Variants in CNKSR1 observed in about 807,000 individuals in gnomAD.
The protein encoded by CNKSR1 is connector enhancer of kinase suppressor of Ras 1.
Under a neutral mutation model 95.6 loss-of-function variants are expected in CNKSR1, and 88 were observed. That is an observed-to-expected ratio of 0.92 (90% CI 0.78 to 1.10). The LOEUF (loss-of-function observed/expected upper bound fraction) is 1.10, where lower values mean the gene tolerates loss of function less well. Among genes scored for constraint, CNKSR1 ranks in the 50% least tolerant of loss-of-function variants. The pLI, the probability that CNKSR1 is intolerant of heterozygous loss-of-function variation, is 0.00. For synonymous variants in CNKSR1, 355 were observed against 369.7 expected (o/e 0.96, Z 0.46); for missense variants, 836 against 912.0 (o/e 0.92, Z 1.07).
At chr1:26,178,147 C>T (rs2088591986) in intron 1 of CNKSR1, among the ~76,000 whole-genome samples, 2 of 152,146 alleles carry the variant, frequency 1.3e-5, no homozygotes, top group South Asian at 4.1e-4. Context: ...CAAGAGGCCT[C>T]TAGGGTGATA....
intron 14 of CNKSR1, 99 bp downstream of exon 14, chr1:26,185,285 C>T (rs1188715207): frequency 8.8e-6 from 11 of 1,256,288 alleles, no homozygotes; most frequent in African/African-American, 1.5e-5. Context: ...TGGTCCAAGG[C>T]TTTGATGTCC....
At chr1:26,183,108 C>T (rs2088674347) in intron 6 of CNKSR1, 89 bp from the exon 7 acceptor site, 3 of 1,314,952 alleles carry the variant, frequency 2.3e-6, no homozygotes, top group Non-Finnish European at 3.3e-6. Context: ...CAGTTCCACC[C>T]ACCATAGAGT....
intron 1 of CNKSR1, chr1:26,180,242 C>G: frequency 1.6e-6 from 1 of 612,348 alleles, no homozygotes; most frequent in Non-Finnish European, 2.9e-6. Flanking sequence ...TCTGCTGCTG[C>G]TGGTCTGGGG....
rs141940086 is a variant in CNKSR1 at position 26,187,476 on chromosome 1, T to C, written c.1448T>C (p.Leu483Pro). 6.2e-7 allele frequency: 1 copy of C among 1,614,094 alleles called. No homozygotes were observed. Among genetic ancestry groups the C allele is most frequent in the Non-Finnish European group, 8.5e-7 (1 of 1,179,972 alleles). The change falls in exon 16 of 21, where the codon CTG becomes CCG. Residue 483 changes from leucine (L) to proline (P), a missense_variant. Transcript: ENST00000361530. The stretch of plus-strand genomic sequence containing the variant: ...TTCGCTGCTGATACCCTGACAGATC[T>C]GAGCATGTGAGTGCCGCCTCCCTTA... ...FIFAADTLTDLSMWVRHLITC... is the reference protein window; with the variant it reads ...FIFAADTLTDPSMWVRHLITC...
Position 26,181,778 on chromosome 1 carries a change from AGGTGAGTAATT to A in CNKSR1, c.393-65_393-55del, listed in dbSNP as rs1474908482. On this transcript the variant is annotated intron_variant, in intron 3 of 20. Transcript: ENST00000361530. Reference sequence around the variant, plus strand: ...AGCAGGTATTATCCCCAAGTCTCTGAGGTGAGTAATTGGTGAGTAATTGGCTCTGAGTGGTT... The same window carrying A: ...AGCAGGTATTATCCCCAAGTCTCTGAGGTGAGTAATTGGCTCTGAGTGGTT... The A allele has an allele frequency of 5.4e-5, 73 of 1,363,684 alleles. 1 individual carries two copies. The highest frequency in any genetic ancestry group is 6.3e-5 in the Non-Finnish European group (60 of 955,564). 84.5% of individuals were successfully genotyped at this position (1,363,684 alleles called of 1,614,324 possible).
downstream of CNKSR1, chr1:26,189,884 AT>A: frequency 2.0e-6 from 1 of 507,824 alleles, no homozygotes; most frequent in South Asian, 1.9e-5. Flanking sequence ...TTTTCTAAGA[AT>A]GAGTCTACAT....
At chr1:26,188,568 A>G (rs971361083) in intron 18 of CNKSR1, 30 bp from the exon 19 acceptor site, 6 of 1,612,786 alleles carry the variant, frequency 3.7e-6, no homozygotes, top group Non-Finnish European at 5.1e-6. Flanking sequence ...CTCAGACAGA[A>G]ACCCTCTGTG....
At chr1:26,185,592 C>T (rs1393682136) in intron 14 of CNKSR1, among the ~76,000 whole-genome samples, 1 of 151,976 alleles carries the variant, frequency 6.6e-6, no homozygotes, top group Non-Finnish European at 1.5e-5. Flanking sequence ...CAGGGTTTCA[C>T]CGTGTTAGCC....
At chr1:26,184,864 C>G in intron 13 of CNKSR1, 150 bp from the exon 14 acceptor site, 2 of 884,484 alleles carry the variant, frequency 2.3e-6, no homozygotes, top group Non-Finnish European at 3.4e-6. Flanking sequence ...TAAGAAGGGT[C>G]ATCCCACCTC....
Position 26,188,689 on chromosome 1 carries a change from C to G in CNKSR1, c.1682C>G (p.Ser561Cys). The stretch of plus-strand genomic sequence containing the variant: ...CGCAGCCCACGGACCTCCTTTGGCT[C>G]TCTGACAGGTGCTGGGCTGGAGTTG... The part of the protein sequence containing the change: ...TQRSPRTSFG[S>C]LTDSSEEALE... The change falls in exon 19 of 21, where the codon TCT (serine) becomes TGT (cysteine). Residue 561 changes from serine to cysteine, a missense_variant. Coordinates refer to ENST00000361530, the MANE Select transcript of CNKSR1 (RefSeq NM_006314.3). 1.2e-6 allele frequency: 2 copies of G among 1,613,834 alleles called. No individual in the cohort carries two copies. The highest frequency in any genetic ancestry group is 1.7e-6 in the Non-Finnish European group (2 of 1,179,902).
chr1:26,188,428 G>A lies in CNKSR1; in HGVS notation c.1529-14G>A. On this transcript the variant is annotated splice_polypyrimidine_tract_variant and intron_variant, in intron 17 of 20. Coordinates refer to ENST00000361530, the MANE Select transcript of CNKSR1 (RefSeq NM_006314.3). ...CCTGGCCTCCCAAAAACCCACTGCTGCTCCTCACCCCAGACTGCTACAGTG... is the reference window on the plus strand; with the variant it reads ...CCTGGCCTCCCAAAAACCCACTGCTACTCCTCACCCCAGACTGCTACAGTG... 5 of 1,605,586 alleles carry A rather than the reference G, an allele frequency of 3.1e-6. No homozygotes were observed. Among genetic ancestry groups the A allele is most frequent in the Non-Finnish European group, 4.3e-6 (5 of 1,176,142 alleles).
chr1:26,184,361 G>C (rs779564702), intron 11 of CNKSR1, 40 bp from the exon 12 acceptor site: 1 of 1,606,850 alleles, frequency 6.2e-7, no homozygotes, highest in East Asian at 2.2e-5. Context: ...CCTGGGACTG[G>C]GCTCATAGAC....
intron 19 of CNKSR1, 26 bp from the exon 20 acceptor site, chr1:26,188,746 C>T: frequency 6.2e-7 from 1 of 1,610,536 alleles, no homozygotes; most frequent in Non-Finnish European, 8.5e-7. Flanking sequence ...GTGGGCACAT[C>T]CTCATCCTGC....
At chr1:26,181,646 T>TTTC in intron 3 of CNKSR1, 1 of 583,274 alleles carries the variant, frequency 1.7e-6, no homozygotes, top group East Asian at 3.0e-5. Flanking sequence ...GTTTCCCCAG[T>TTTC]GCCTAGAACA....
At chr1:26,179,360 G>A (rs2088609271) in intron 1 of CNKSR1, among the ~76,000 whole-genome samples, 1 of 152,164 alleles carries the variant, frequency 6.6e-6, no homozygotes, top group Non-Finnish European at 1.5e-5. Context: ...GAGGAAGTTA[G>A]ATGAAAAAGG....
At position 26,185,042 on chromosome 1, in the gene CNKSR1, G is replaced by T; in HGVS notation, c.1164G>T (p.Arg388=). 3 of 1,603,084 alleles carry T rather than the reference G, an allele frequency of 1.9e-6. No individual in the cohort carries two copies. Among genetic ancestry groups the T allele is most frequent in the Non-Finnish European group, 1.7e-6 (2 of 1,178,426 alleles). ...TGGCGACCCGGCTGAGCCGCCGGCG[G>T]GTGTCATGCCGTGAGCTGGGCCGGC... ...KGLATRLSRR[R]VSCRELGRPD... is the part of the protein sequence containing the mutation. Residue 388 remains arginine (R), a synonymous_variant, in exon 14 of 21, where the codon CGG becomes CGT. Coordinates refer to ENST00000361530, the MANE Select transcript of CNKSR1 (RefSeq NM_006314.3).
At position 26,189,494 on chromosome 1, in the gene CNKSR1, C is replaced by T. The variant is rs778348777; in HGVS notation, c.2088C>T (p.His696=). 4.3e-6 allele frequency: 7 copies of T among 1,609,796 alleles called. No individual in the cohort carries two copies. The highest frequency in any genetic ancestry group is 6.0e-6 in the Non-Finnish European group (7 of 1,176,076). The change falls in exon 21 of 21, where the codon CAC becomes CAT. Residue 696 remains histidine, a synonymous_variant. Transcript: ENST00000361530. The part of the protein sequence containing the change: ...PHSLPSDPEE[H]SHLCPLTSES... The stretch of plus-strand genomic sequence containing the variant: ...CCCTGCCCTCTGACCCTGAAGAGCA[C>T]TCCCATCTCTGCCCCCTGACCTCAG...
chr1:26,185,125 G>T lies in CNKSR1; in HGVS notation c.1247G>T (p.Arg416Leu). 6.3e-7 allele frequency: 1 copy of T among 1,587,422 alleles called. No homozygotes were observed. Among genetic ancestry groups the T allele is most frequent in the South Asian group, 1.1e-5 (1 of 87,598 alleles). ...GCACCGGGCGGCTTCATGGGCCCGC[G>T]CTGGCGCCGCCGCTGGTTTGTGCTC... Reference protein sequence around the residue: ...RKAPGGFMGPRWRRRWFVLKG... With the variant: ...RKAPGGFMGPLWRRRWFVLKG... The change falls in exon 14 of 21, where the codon CGC becomes CTC. Residue 416 changes from arginine to leucine, a missense_variant. Physicochemically the swap from Arg to Leu is moderately radical, Grantham distance 102 (BLOSUM62 -2). Coordinates refer to ENST00000361530, the MANE Select transcript of CNKSR1 (RefSeq NM_006314.3).
At position 26,188,869 on chromosome 1, in the gene CNKSR1, G is replaced by C. The variant is rs763921675; in HGVS notation, c.1788G>C (p.Trp596Cys). The change falls in exon 20 of 21, where the codon TGG becomes TGC. Residue 596 changes from tryptophan (W) to cysteine (C), a missense_variant. Physicochemically the swap from Trp to Cys is radical, Grantham distance 215. Transcript: ENST00000361530. ...GQPQPLTQEQ[W>C]RSSFMRRNRD... is the part of the protein sequence containing the mutation. Reference sequence around the variant, plus strand: ...CACAGCCCCTGACCCAGGAACAGTGGCGGAGCTCTTTCATGCGGCGCAACC... The same window carrying C: ...CACAGCCCCTGACCCAGGAACAGTGCCGGAGCTCTTTCATGCGGCGCAACC... The C allele has an allele frequency of 6.2e-7, 1 of 1,613,826 alleles. No homozygotes were observed. The highest frequency in any genetic ancestry group is 8.5e-7 in the Non-Finnish European group (1 of 1,179,992).
Sources: gnomAD v4.1 joint callset for allele counts (sites outside exome capture counted in the v4.1 genomes callset) on GRCh38, gnomAD v4.1.1 for gene constraint, MANE v1.5 for transcripts, NCBI Gene and HGNC (gene_info 2026-07-23, HGNC 2026-07-21) for gene names.